Variants in SBF2 observed in about 807,000 individuals in gnomAD.
SBF2 encodes the protein myotubularin-related protein 13.
SBF2 carries 112 observed loss-of-function variants against 225.2 expected under a neutral mutation model. That is an observed-to-expected ratio of 0.50 (90% CI 0.43 to 0.58). The LOEUF (loss-of-function observed/expected upper bound fraction) is 0.58. Ranked by LOEUF, SBF2 falls within the 20% of genes least tolerant of loss-of-function variation. The pLI is 0.00. For synonymous variants in SBF2, 763 were observed against 773.3 expected (o/e 0.99, Z 0.22); for missense variants, 1,996 against 2,206.2 (o/e 0.90, Z 1.91).
intron 19 of SBF2, among the ~76,000 whole-genome samples, chr11:9,854,087 T>C (rs1369578527): frequency 6.6e-6 from 1 of 152,174 alleles, no homozygotes; most frequent in South Asian, 2.1e-4. Context: ...TCCTCCCAAG[T>C]TAATTATTAC....
At chr11:9,790,874 C>T (rs960369627) in intron 33 of SBF2, 191 bp from the exon 34 acceptor site, 2 of 491,192 alleles carry the variant, frequency 4.1e-6, no homozygotes, top group Non-Finnish European at 7.3e-6. Context: ...TACAGGGAAA[C>T]AGATCCAGAT....
At chr11:9,836,812 G>A (rs1855760463) in intron 26 of SBF2, among the ~76,000 whole-genome samples, 1 of 152,064 alleles carries the variant, frequency 6.6e-6, no homozygotes, top group Admixed American at 6.5e-5. Flanking sequence ...CCTAAGTAAT[G>A]TTTTTTAGTG....
intron 12 of SBF2, among the ~76,000 whole-genome samples, chr11:9,991,587 T>C (rs2403263): frequency 0.21 from 31,991 of 152,040 alleles, 3,473 homozygotes; most frequent in East Asian, 0.28. Context: ...CTTTCAAAAA[T>C]TGAAATGAGA....
chr11:10,264,604 C>CT (rs1188189001), intron 1 of SBF2, among the ~76,000 whole-genome samples: 2 of 151,906 alleles, frequency 1.3e-5, no homozygotes, highest in Admixed American at 6.6e-5. Context: ...TTTTATTATA[C>CT]TTTAAGTTCT....
intron 1 of SBF2, among the ~76,000 whole-genome samples, chr11:10,194,485 T>C (rs780702066): frequency 4.0e-4 from 61 of 152,156 alleles, no homozygotes; most frequent in Non-Finnish European, 7.6e-4. Context: ...GGGATGACTA[T>C]ACAGAAATAA....
Position 9,938,118 on chromosome 11 carries a change from C to G in SBF2, c.1860+23839G>C, listed in dbSNP as rs1002536170. ...CATCCTGGTTAACACAGTGAAACCC[C>G]GTCTCCACTAAAAATACAAAAAATT... On this transcript the variant is annotated intron_variant, in intron 16 of 39. Transcript: ENST00000256190. Among the ~76,000 whole-genome samples the G allele has an allele frequency of 3.3e-5, 5 of 151,802 alleles. No homozygotes were observed. In the South Asian group the frequency reaches 1.0e-3, roughly 32 times the overall value.
At chr11:9,853,774 A>C (rs1857128451) in intron 19 of SBF2, 62 bp from the exon 20 acceptor site, 1 of 1,460,838 alleles carries the variant, frequency 6.8e-7, no homozygotes. Context: ...ACTACTATAT[A>C]GTAGTCAATT....
At chr11:10,154,547 C>T (rs1955374431) in intron 2 of SBF2, among the ~76,000 whole-genome samples, 1 of 152,082 alleles carries the variant, frequency 6.6e-6, no homozygotes, top group Non-Finnish European at 1.5e-5. Flanking sequence ...TCTTCTTCCC[C>T]CTTAAACGTA....
At chr11:9,867,679 T>C (rs1167313770) in intron 17 of SBF2, among the ~76,000 whole-genome samples, 24 of 152,182 alleles carry the variant, frequency 1.6e-4, no homozygotes, top group Admixed American at 1.6e-3. Context: ...TGGAATAATA[T>C]TCAGCCATAA....
intron 17 of SBF2, among the ~76,000 whole-genome samples, chr11:9,863,458 A>C (rs1005856038): frequency 6.6e-6 from 1 of 152,178 alleles, no homozygotes; most frequent in African/African-American, 2.4e-5. Context: ...TCATTGTCTA[A>C]ATTGCTGGAG....
intron 16 of SBF2, chr11:9,956,878 A>C (rs1021991044): frequency 2.1e-4 from 32 of 152,216 alleles, no homozygotes; most frequent in African/African-American, 7.5e-4. Context: ...TGGGATACAA[A>C]ATTTCAAGTG....
At chr11:10,191,035 A>G (rs756652108) in intron 2 of SBF2, among the ~76,000 whole-genome samples, 5 of 152,310 alleles carry the variant, frequency 3.3e-5, no homozygotes, top group Non-Finnish European at 7.4e-5. Flanking sequence ...TTATTTGTGA[A>G]TTAATATACT....
chr11:9,999,897 T>TA (rs572775857), intron 8 of SBF2, among the ~76,000 whole-genome samples: 36 of 152,242 alleles, frequency 2.4e-4, no homozygotes, highest in Non-Finnish European at 4.6e-4. Context: ...AATTACTTCT[T>TA]TGCTGGCATT....
At chr11:9,928,047 T>C (rs548585112) in intron 16 of SBF2, among the ~76,000 whole-genome samples, 11 of 152,318 alleles carry the variant, frequency 7.2e-5, no homozygotes, top group Admixed American at 2.0e-4. Context: ...ACTTTGGGTT[T>C]AGAGAAGACT....
chr11:10,240,967 ATTGT>A (rs1423977376), intron 1 of SBF2, among the ~76,000 whole-genome samples: 1 of 152,226 alleles, frequency 6.6e-6, no homozygotes, highest in African/African-American at 2.4e-5. Flanking sequence ...AGATATACCA[ATTGT>A]TTGACAAATT....
intron 1 of SBF2, among the ~76,000 whole-genome samples, chr11:10,248,952 T>C (rs965091956): frequency 6.6e-6 from 1 of 151,766 alleles, no homozygotes; most frequent in Non-Finnish European, 1.5e-5. Flanking sequence ...AAAAATTAGC[T>C]GGGGGTGGTG....
At chr11:9,955,648 G>C (rs1866113653) in intron 16 of SBF2, among the ~76,000 whole-genome samples, 1 of 152,054 alleles carries the variant, frequency 6.6e-6, no homozygotes, top group African/African-American at 2.4e-5. Flanking sequence ...TTTGAAGTGA[G>C]TTTGAGAAGA....
intron 1 of SBF2, among the ~76,000 whole-genome samples, 175 bp downstream of exon 1, chr11:10,293,840 C>G (rs573115445): frequency 1.3e-5 from 2 of 152,176 alleles, no homozygotes; most frequent in African/African-American, 2.4e-5. Flanking sequence ...CCGGCCCCCC[C>G]ACGCCCACCG....
chr11:10,171,601 T>G (rs1956189719), intron 2 of SBF2, among the ~76,000 whole-genome samples: 1 of 152,200 alleles, frequency 6.6e-6, no homozygotes, highest in African/African-American at 2.4e-5. Flanking sequence ...ATGGTTTTCT[T>G]TTTTGCTGTG....
Sources: gnomAD v4.1 joint callset for allele counts (sites outside exome capture counted in the v4.1 genomes callset) on GRCh38, gnomAD v4.1.1 for gene constraint, MANE v1.5 for transcripts, NCBI Gene and HGNC (gene_info 2026-07-23, HGNC 2026-07-21) for gene names.